Variants in LRRTM4 observed in about 807,000 individuals in gnomAD.
LRRTM4 encodes leucine-rich repeat transmembrane neuronal protein 4.
In LRRTM4, 25 loss-of-function variants were observed where a neutral mutation model predicts 47.6. That is an observed-to-expected ratio of 0.53 (90% CI 0.38 to 0.73). The LOEUF is 0.73. Ranked by LOEUF, LRRTM4 falls within the 30% of genes least tolerant of loss-of-function variation. The pLI is 0.00. For missense variants in LRRTM4, 638 were observed against 713.4 expected (o/e 0.89, Z 1.20); for synonymous variants, 311 against 269.5 (o/e 1.15, Z -1.51).
intron 3 of LRRTM4, among the ~76,000 whole-genome samples, chr2:77,476,700 G>A (rs1677403309): frequency 1.3e-5 from 2 of 152,018 alleles, no homozygotes; most frequent in African/African-American, 2.4e-5. Context: ...ATGCTAAAGC[G>A]AGGTACAAAT....
intron 3 of LRRTM4, among the ~76,000 whole-genome samples, chr2:77,118,890 G>T (rs911932628): frequency 6.6e-6 from 1 of 151,738 alleles, no homozygotes; most frequent in Admixed American, 6.6e-5. Context: ...TTCTAATCAG[G>T]ATACTTTGTG....
intron 3 of LRRTM4, among the ~76,000 whole-genome samples, chr2:76,801,695 C>G (rs1036758062): frequency 6.6e-6 from 1 of 151,880 alleles, no homozygotes; most frequent in Admixed American, 6.6e-5. Flanking sequence ...GGTTAACATC[C>G]CTGGTGAACA....
chr2:77,520,536 T>G (rs76902077), intron 2 of LRRTM4, among the ~76,000 whole-genome samples: 5,127 of 152,176 alleles, frequency 0.034, 295 homozygotes, highest in African/African-American at 0.12. Flanking sequence ...TGTGGCTCCC[T>G]GCCCAACGAT....
intron 3 of LRRTM4, among the ~76,000 whole-genome samples, chr2:77,139,128 C>T (rs538228419): frequency 6.6e-6 from 1 of 152,210 alleles, no homozygotes; most frequent in East Asian, 1.9e-4. Flanking sequence ...TTTTATGAGG[C>T]CAGCATCGTC....
At chr2:76,835,496 TCTGA>T (rs557603423) in intron 3 of LRRTM4, among the ~76,000 whole-genome samples, 16 of 152,164 alleles carry the variant, frequency 1.1e-4, no homozygotes, top group East Asian at 7.7e-4. Flanking sequence ...AAGAGAACTT[TCTGA>T]CTAAGAAATG....
intron 3 of LRRTM4, among the ~76,000 whole-genome samples, chr2:76,766,621 C>T (rs1055617733): frequency 6.6e-6 from 1 of 152,204 alleles, no homozygotes; most frequent in Non-Finnish European, 1.5e-5. Context: ...AAGTAAGAGG[C>T]ACCCAGTGCC....
rs563043383 is a variant in LRRTM4, at chr2:77,322,351, A to T, written c.1551+195967T>A. On this transcript the variant is annotated intron_variant, in intron 3 of 3. Transcript: ENST00000409884. ...TATCTCTTTAAGTAACATAGTTGAC[A>T]TGAAGACTGTTTACTCTGCATCTGA... 1.1e-4 allele frequency among the ~76,000 whole-genome samples: 17 copies of T among 152,258 alleles called. No individual in the cohort carries two copies. In the South Asian group the frequency reaches 2.3e-3, roughly 20 times the overall value.
intron 3 of LRRTM4, among the ~76,000 whole-genome samples, chr2:77,358,985 A>G (rs1196607324): frequency 6.6e-6 from 1 of 152,168 alleles, no homozygotes; most frequent in Non-Finnish European, 1.5e-5. Context: ...GAATGATGAA[A>G]GAATTTTACA....
chr2:77,497,604 A>G (rs949592330), intron 3 of LRRTM4, among the ~76,000 whole-genome samples: 8 of 151,202 alleles, frequency 5.3e-5, no homozygotes, highest in African/African-American at 1.9e-4. Context: ...CACACCCACT[A>G]TACTATGTAC....
At chr2:77,506,663 T>G (rs533485560) in intron 3 of LRRTM4, among the ~76,000 whole-genome samples, 63 of 152,042 alleles carry the variant, frequency 4.1e-4, no homozygotes, top group Non-Finnish European at 8.1e-4. Flanking sequence ...TTATATATTT[T>G]TGAGAGAGCA....
chr2:77,003,481 A>G (rs1677514014), intron 3 of LRRTM4, among the ~76,000 whole-genome samples: 1 of 152,088 alleles, frequency 6.6e-6, no homozygotes, highest in African/African-American at 2.4e-5. Context: ...GATAGTGAGT[A>G]AGTCTCAAGA....
intron 3 of LRRTM4, among the ~76,000 whole-genome samples, chr2:76,956,660 G>A (rs1675684954): frequency 6.6e-6 from 1 of 150,678 alleles, no homozygotes; most frequent in Non-Finnish European, 1.5e-5. Flanking sequence ...ATAAAATTAA[G>A]GAGATTTTTT....
At chr2:77,074,672 G>A (rs1185508170) in intron 3 of LRRTM4, among the ~76,000 whole-genome samples, 3 of 151,988 alleles carry the variant, frequency 2.0e-5, no homozygotes, top group African/African-American at 7.3e-5. Flanking sequence ...ACTGATTTTG[G>A]ACAGAGAGAA....
chr2:77,049,501 T>C (rs570482928), intron 3 of LRRTM4, among the ~76,000 whole-genome samples: 1 of 151,952 alleles, frequency 6.6e-6, no homozygotes, highest in Non-Finnish European at 1.5e-5. Context: ...TAGAGTGAGA[T>C]GGTATCTCAT....
At position 77,312,065 on chromosome 2, in the gene LRRTM4, C is replaced by A. The variant is rs185243612; in HGVS notation, c.1551+206253G>T. On this transcript the variant is annotated intron_variant, in intron 3 of 3. Transcript: ENST00000409884. ...CCATAGCCCCCACCCACTCTCCACACCCCCACCTTGGACCCATAAACTGTT... is the reference window on the plus strand; with the variant it reads ...CCATAGCCCCCACCCACTCTCCACAACCCCACCTTGGACCCATAAACTGTT... 2.0e-5 allele frequency among the ~76,000 whole-genome samples: 3 copies of A among 152,206 alleles called. No homozygotes were observed. The Middle Eastern group carries it at 0.01, about 518-fold the overall frequency.
chr2:77,410,267 T>C (rs944573727), intron 3 of LRRTM4, among the ~76,000 whole-genome samples: 1 of 152,122 alleles, frequency 6.6e-6, no homozygotes, highest in Non-Finnish European at 1.5e-5. Flanking sequence ...CAGGTGTAAC[T>C]AGAGTCTGAT....
chr2:77,470,478 G>A (rs960188665), intron 3 of LRRTM4, among the ~76,000 whole-genome samples: 1 of 152,078 alleles, frequency 6.6e-6, no homozygotes, highest in African/African-American at 2.4e-5. Flanking sequence ...ACTAAACTAC[G>A]AGAAGGCATT....
At chr2:77,380,683 C>T (rs796777329) in intron 3 of LRRTM4, among the ~76,000 whole-genome samples, 2 of 151,856 alleles carry the variant, frequency 1.3e-5, no homozygotes, top group African/African-American at 4.8e-5. Flanking sequence ...GTAATCTCAG[C>T]TACTAGGGAG....
chr2:77,412,386 C>A (rs1461304881), intron 3 of LRRTM4, among the ~76,000 whole-genome samples: 1 of 152,168 alleles, frequency 6.6e-6, no homozygotes, highest in Non-Finnish European at 1.5e-5. Context: ...CTCTAGCATA[C>A]CACAATTGCA....
Sources: allele counts gnomAD v4.1 joint callset (sites outside exome capture counted in the v4.1 genomes callset), GRCh38; gene constraint gnomAD v4.1.1; transcripts MANE v1.5; gene names NCBI Gene and HGNC (gene_info 2026-07-23, HGNC 2026-07-21).